The following GPC5 variants were observed in gnomAD, a reference collection of about 807,000 sequenced individuals.
GPC5 encodes glypican-5.
GPC5 carries 47 observed loss-of-function variants against 53.9 expected under a neutral mutation model. The observed-to-expected ratio is 0.87, with a 90% CI of 0.69 to 1.11. The LOEUF (loss-of-function observed/expected upper bound fraction) is 1.11. Ranked by LOEUF, GPC5 falls within the 50% of genes most tolerant of loss-of-function variation. The pLI, the probability that GPC5 is intolerant of heterozygous loss-of-function variation, is 0.00. For synonymous variants in GPC5, 286 were observed against 263.3 expected (o/e 1.09, Z -0.84); for missense variants, 748 against 713.1 (o/e 1.05, Z -0.56).
chr13:92,493,231 A>C (rs1470679536), intron 7 of GPC5, among the ~76,000 whole-genome samples: 1 of 152,242 alleles, frequency 6.6e-6, no homozygotes, highest in Non-Finnish European at 1.5e-5. Context: ...ACTTTTCAGC[A>C]TTAAAGAGGG....
chr13:92,180,772 C>A, intron 7 of GPC5: 1 of 212,990 alleles, frequency 4.7e-6, no homozygotes. Flanking sequence ...CACCGTTCAC[C>A]ACTAATTTCC....
chr13:91,607,947 T>A (rs2033426043), intron 2 of GPC5, among the ~76,000 whole-genome samples: 1 of 152,218 alleles, frequency 6.6e-6, no homozygotes, highest in African/African-American at 2.4e-5. Context: ...GGTGATTTTC[T>A]GAGATTCTTT....
chr13:91,714,769 C>T (rs577502105), intron 3 of GPC5, among the ~76,000 whole-genome samples: 1 of 151,912 alleles, frequency 6.6e-6, no homozygotes, highest in Non-Finnish European at 1.5e-5. Context: ...AATGAGAACC[C>T]AGTGATGCAG....
intron 7 of GPC5, among the ~76,000 whole-genome samples, chr13:92,284,611 C>T (rs1438081971): frequency 2.0e-5 from 3 of 152,196 alleles, no homozygotes; most frequent in Admixed American, 6.5e-5. Context: ...AAACATAAAC[C>T]AGCATATAAA....
chr13:92,363,868 T>G (rs1179681530), intron 7 of GPC5, among the ~76,000 whole-genome samples: 1 of 151,506 alleles, frequency 6.6e-6, no homozygotes. Context: ...AAGAGATAGA[T>G]GATAGTTGGA....
chr13:91,667,339 A>G (rs1186514940), intron 2 of GPC5, among the ~76,000 whole-genome samples: 2 of 152,186 alleles, frequency 1.3e-5, no homozygotes, highest in South Asian at 2.1e-4. Context: ...GCACATTTAT[A>G]TATGCCTTCT....
chr13:92,258,566 C>T (rs2139138126), intron 7 of GPC5, among the ~76,000 whole-genome samples: 1 of 152,168 alleles, frequency 6.6e-6, no homozygotes, highest in African/African-American at 2.4e-5. Flanking sequence ...AGGTAAAACA[C>T]TTTTTGGATT....
At chr13:92,795,603 T>C (rs1408040150) in intron 7 of GPC5, among the ~76,000 whole-genome samples, 1 of 152,108 alleles carries the variant, frequency 6.6e-6, no homozygotes, top group Non-Finnish European at 1.5e-5. Flanking sequence ...ACCTACAGAA[T>C]GGGAGAAAAT....
intron 5 of GPC5, among the ~76,000 whole-genome samples, chr13:91,892,898 GATTT>G (rs1184473358): frequency 6.6e-6 from 1 of 151,766 alleles, no homozygotes; most frequent in East Asian, 1.9e-4. Flanking sequence ...ATATTTACCT[GATTT>G]ATTTATCTTT....
chr13:92,419,156 A>G (rs1475937789), intron 7 of GPC5, among the ~76,000 whole-genome samples: 1 of 152,158 alleles, frequency 6.6e-6, no homozygotes, highest in Non-Finnish European at 1.5e-5. Flanking sequence ...AATCAATAAG[A>G]CTGCCACCTG....
rs2040847512 is a variant in GPC5, at chr13:92,031,757, T to TATAATATATAA, written c.1402-113073_1402-113072insATAATATATAA. Among the ~76,000 whole-genome samples the TATAATATATAA allele has an allele frequency of 5.0e-5, 5 of 99,680 alleles. No homozygotes were observed. The Admixed American group carries it at 5.8e-4, about 12-fold the overall frequency. The allele number at this position is 99,680 out of a possible 152,430, so 65.4% of individuals were successfully genotyped here. A position where few individuals can be genotyped will look rare whatever the true frequency, so the allele number is the denominator to read the frequency against. On this transcript the variant is annotated intron_variant, in intron 6 of 7. Transcript: ENST00000377067. ...CATATTATATATAATATATATTATA[T>TATAATATATAA]TACATATTATATATAATATATAATA... is the stretch of plus-strand genomic sequence containing the variant.
At chr13:91,523,462 A>T (rs1231033485) in intron 2 of GPC5, among the ~76,000 whole-genome samples, 1 of 152,220 alleles carries the variant, frequency 6.6e-6, no homozygotes, top group East Asian at 1.9e-4. Context: ...GTTAAATAAA[A>T]TAAGCCACCA....
chr13:92,453,571 A>G (rs576152025), intron 7 of GPC5, among the ~76,000 whole-genome samples: 1 of 152,256 alleles, frequency 6.6e-6, no homozygotes, highest in Non-Finnish European at 1.5e-5. Flanking sequence ...TCATGAAAAT[A>G]GAAGTTTCTA....
chr13:92,236,861 T>C (rs2042574398), intron 7 of GPC5, among the ~76,000 whole-genome samples: 2 of 152,118 alleles, frequency 1.3e-5, no homozygotes, highest in South Asian at 4.1e-4. Flanking sequence ...TTTTTTGTTT[T>C]GATTACCTCT....
intron 7 of GPC5, among the ~76,000 whole-genome samples, chr13:92,518,695 C>T (rs1353477468): frequency 3.3e-5 from 5 of 152,204 alleles, no homozygotes; most frequent in East Asian, 1.9e-4. Flanking sequence ...TAAAGACCAT[C>T]GAGGCTAGGA....
intron 7 of GPC5, among the ~76,000 whole-genome samples, chr13:92,403,171 G>A (rs964379875): frequency 5.8e-4 from 88 of 152,170 alleles, no homozygotes; most frequent in East Asian, 3.9e-4. Flanking sequence ...ACAAGATGCC[G>A]AAAAAATGGT....
Position 92,607,209 on chromosome 13 carries a change from T to C in GPC5, c.1562-259073T>C, listed in dbSNP as rs1488943480. 2.6e-5 allele frequency among the ~76,000 whole-genome samples: 4 copies of C among 152,132 alleles called. 1 individual carries two copies. In the East Asian group the frequency reaches 5.8e-4, roughly 22 times the overall value. ...GAAATTGGGCAACTTTTTTGTCCTT[T>C]GAAAATAAAGTAATATGAGAAAAAA... On this transcript the variant is annotated intron_variant, in intron 7 of 7. Transcript: ENST00000377067.
intron 2 of GPC5, among the ~76,000 whole-genome samples, chr13:91,656,347 C>A (rs929865280): frequency 6.6e-6 from 1 of 152,118 alleles, no homozygotes; most frequent in African/African-American, 2.4e-5. Context: ...ACCAAATAAA[C>A]TGCTATTCAA....
chr13:91,678,735 TTG>T (rs2035439506), intron 2 of GPC5, among the ~76,000 whole-genome samples: 3 of 140,588 alleles, frequency 2.1e-5, no homozygotes, highest in African/African-American at 8.9e-5. Flanking sequence ...TTAGGAGTTT[TTG>T]TTTTTTTTTT....
Sources: allele counts gnomAD v4.1 joint callset (sites outside exome capture counted in the v4.1 genomes callset), GRCh38; gene constraint gnomAD v4.1.1; transcripts MANE v1.5; gene names NCBI Gene and HGNC (gene_info 2026-07-23, HGNC 2026-07-21).